The following DGKH variants were observed in gnomAD, a reference collection of about 807,000 sequenced individuals.
DGKH encodes DAG kinase eta.
A neutral mutation model predicts 159.3 loss-of-function variants in DGKH; 90 were observed. That is an observed-to-expected ratio of 0.57 (90% CI 0.48 to 0.67). DGKH has a LOEUF of 0.67. Among genes scored for constraint, DGKH ranks in the 30% least tolerant of loss-of-function variants. The pLI is 0.00. For synonymous variants in DGKH, 536 were observed against 553.8 expected, an observed-to-expected ratio of 0.97 and a Z score of 0.45; for missense variants, 1,181 against 1,506.1, an observed-to-expected ratio of 0.78 and a Z score of 3.57.
intron 1 of DGKH, among the ~76,000 whole-genome samples, chr13:42,104,095 A>T (rs757147469): frequency 3.3e-5 from 5 of 152,220 alleles, no homozygotes; most frequent in African/African-American, 7.2e-5. Context: ...AATATAGCTT[A>T]AATATTAGAG....
At chr13:42,211,302 A>G (rs555980981) in intron 24 of DGKH, among the ~76,000 whole-genome samples, 2 of 152,300 alleles carry the variant, frequency 1.3e-5, no homozygotes, top group South Asian at 2.1e-4. Context: ...GGGTGTGTGA[A>G]GATTAAATGA....
At chr13:42,098,753 A>G (rs1422571507) in intron 1 of DGKH, among the ~76,000 whole-genome samples, 1 of 152,238 alleles carries the variant, frequency 6.6e-6, no homozygotes, top group African/African-American at 2.4e-5. Flanking sequence ...GAATTTTATT[A>G]AAAATCCACT....
intron 30 of DGKH, chr13:42,255,949 T>G: frequency 6.2e-7 from 1 of 1,604,484 alleles, no homozygotes; most frequent in Non-Finnish European, 8.5e-7. Context: ...AAGCTCTGGC[T>G]GCTCATGACG....
chr13:42,048,562 C>T (rs1880965624), upstream of DGKH, among the ~76,000 whole-genome samples: 1 of 152,186 alleles, frequency 6.6e-6, no homozygotes, highest in South Asian at 2.1e-4. The surrounding 1 kb of genome is among the most constrained non-coding windows in gnomAD (Gnocchi z 6.7). Context: ...GGCCGCCGCT[C>T]CGGCGGGAAC....
chr13:42,084,952 A>T (rs947990578), intron 1 of DGKH, among the ~76,000 whole-genome samples: 1 of 151,998 alleles, frequency 6.6e-6, no homozygotes, highest in Non-Finnish European at 1.5e-5. Context: ...CTATAAATAG[A>T]TATGTATGCA....
chr13:42,054,440 A>G (rs573003444), intron 1 of DGKH, among the ~76,000 whole-genome samples: 7 of 152,356 alleles, frequency 4.6e-5, no homozygotes, highest in South Asian at 2.1e-4. Context: ...GATGAGCAGA[A>G]AGATATCTCA....
At chr13:42,089,972 C>G (rs1020733727) in intron 1 of DGKH, among the ~76,000 whole-genome samples, 10 of 152,202 alleles carry the variant, frequency 6.6e-5, no homozygotes, top group African/African-American at 2.4e-4. Context: ...TTGGAAAATT[C>G]TCACATATTT....
intron 3 of DGKH, among the ~76,000 whole-genome samples, chr13:42,137,284 C>T (rs1170267145): frequency 6.6e-6 from 1 of 152,166 alleles, no homozygotes; most frequent in Non-Finnish European, 1.5e-5. Flanking sequence ...TAGATTATCA[C>T]CTGAATAATC....
At position 42,252,821 on chromosome 13, in the gene DGKH, C is replaced by T. The variant is rs548486076; in HGVS notation, n.4127+340C>T. Among the ~76,000 whole-genome samples the T allele has an allele frequency of 3.0e-4, 45 of 151,786 alleles. No individual in the cohort carries two copies. In the South Asian group the frequency reaches 9.2e-3, roughly 31 times the overall value. ...AGAGTGCAGTAGTGCGATCTCAGCT[C>T]ACTACAACTTCCACCTCCCAGGTTC... On this transcript the variant is annotated intron_variant and non_coding_transcript_variant, in intron 30 of 30. Coordinates refer to the DGKH transcript ENST00000498255.
intron 21 of DGKH, among the ~76,000 whole-genome samples, chr13:42,206,888 G>A (rs1260990898): frequency 6.6e-6 from 1 of 151,772 alleles, no homozygotes; most frequent in African/African-American, 2.4e-5. Flanking sequence ...ACAGATTCAC[G>A]GGTTTGGGGG....
chr13:42,189,302 C>T lies in DGKH; in HGVS notation c.1905C>T (p.Ala635=), dbSNP rs368893069. 41 of 1,613,934 alleles carry T rather than the reference C, an allele frequency of 2.5e-5. 1 individual carries two copies. In the African/African-American group the frequency reaches 2.7e-4, roughly 11 times the overall value. The change falls in exon 15 of 30, where the codon GCC becomes GCT. Residue 635 remains alanine, a synonymous_variant. Transcript: ENST00000337343. ...KKAVRQVIEE[A]GKVMDDPTVH... Reference sequence around the variant, plus strand: ...CAGTGAGGCAAGTCATTGAGGAAGCCGGAAAAGGTACACATTAACAAATTT... The same window carrying T: ...CAGTGAGGCAAGTCATTGAGGAAGCTGGAAAAGGTACACATTAACAAATTT...
intron 5 of DGKH, 119 bp downstream of exon 5, chr13:42,155,918 A>C: frequency 8.5e-7 from 1 of 1,171,944 alleles, no homozygotes; most frequent in Non-Finnish European, 1.2e-6. Flanking sequence ...CTTGGAAAAT[A>C]TTTTTGCTCA....
chr13:42,195,127 A>G, intron 17 of DGKH, 111 bp downstream of exon 17: 1 of 1,361,332 alleles, frequency 7.3e-7, no homozygotes, highest in Non-Finnish European at 9.8e-7. Context: ...ATTCTTTAGT[A>G]GAATGTTCTT....
At chr13:42,118,688 T>C (rs1955008927) in intron 1 of DGKH, among the ~76,000 whole-genome samples, 1 of 152,118 alleles carries the variant, frequency 6.6e-6, no homozygotes, top group African/African-American at 2.4e-5. Flanking sequence ...GACAGACAAG[T>C]GGAGCAGAGG....
intron 15 of DGKH, 65 bp downstream of exon 15, chr13:42,189,374 T>C: frequency 6.3e-7 from 1 of 1,595,656 alleles, no homozygotes; most frequent in Non-Finnish European, 8.5e-7. Context: ...CATAACGGAG[T>C]TTCCATAGTG....
chr13:42,168,615 C>G, intron 10 of DGKH, 64 bp from the exon 11 acceptor site: 1 of 1,612,762 alleles, frequency 6.2e-7, no homozygotes, highest in Non-Finnish European at 8.5e-7. Flanking sequence ...CAGAGAGGTG[C>G]AGAAATGCAG....
At chr13:42,055,375 C>T (rs2137652794) in intron 1 of DGKH, among the ~76,000 whole-genome samples, 1 of 152,150 alleles carries the variant, frequency 6.6e-6, no homozygotes, top group East Asian at 1.9e-4. Flanking sequence ...AATTCTGACT[C>T]TCAGTACAGT....
intron 1 of DGKH, among the ~76,000 whole-genome samples, chr13:42,067,839 T>G (rs1463923233): frequency 6.6e-6 from 1 of 152,108 alleles, no homozygotes; most frequent in African/African-American, 2.4e-5. Flanking sequence ...CATGCTACAT[T>G]TAACCTAATT....
At chr13:42,069,612 T>A (rs1033245595) in intron 1 of DGKH, 26 of 1,461,974 alleles carry the variant, frequency 1.8e-5, no homozygotes, top group African/African-American at 1.7e-4. Context: ...TCCTTTCACA[T>A]TTTGATTTTC....
Sources: allele counts gnomAD v4.1 joint callset (sites outside exome capture counted in the v4.1 genomes callset), GRCh38; gene constraint gnomAD v4.1.1; non-coding constraint Gnocchi (gnomAD v3.1); transcripts MANE v1.5; gene names NCBI Gene and HGNC (gene_info 2026-07-23, HGNC 2026-07-21).